HOXB6: variants seen among roughly 807,000 people sequenced by gnomAD.
The protein encoded by HOXB6 is homeobox protein Hox-B6.
Under a neutral mutation model 24.2 loss-of-function variants are expected in HOXB6, and 18 were observed. The observed-to-expected ratio is 0.74, with a 90% CI of 0.51 to 1.10. The LOEUF (loss-of-function observed/expected upper bound fraction) is 1.10. Among genes scored for constraint, HOXB6 ranks in the 50% least tolerant of loss-of-function variants. The probability of loss-of-function intolerance (pLI) is 0.00; values close to 1 mark genes in which losing one functional copy is unlikely to be tolerated. For synonymous variants in HOXB6, 159 were observed against 139.1 expected (o/e 1.14, Z -1.01); for missense variants, 332 against 308.3 (o/e 1.08, Z -0.58).
chr17:48,600,406 T>A, intron 2 of HOXB6: 1 of 452,620 alleles, frequency 2.2e-6, no homozygotes, highest in South Asian at 1.6e-5. Context: ...AATTGCCTTA[T>A]CTTTAGAGTC....
At chr17:48,603,180 A>G (rs925716369) in intron 2 of HOXB6, among the ~76,000 whole-genome samples, 1 of 152,258 alleles carries the variant, frequency 6.6e-6, no homozygotes, top group Non-Finnish European at 1.5e-5. Flanking sequence ...CGTGCAAACC[A>G]GACTAAAAAT....
chr17:48,602,538 G>A (rs1403441090), intron 2 of HOXB6: 3 of 224,946 alleles, frequency 1.3e-5, no homozygotes, highest in Middle Eastern at 1.9e-3. Flanking sequence ...TAGGATGGGC[G>A]GGGACGGGGG....
chr17:48,599,316 C>T (rs568004926), intron 2 of HOXB6, among the ~76,000 whole-genome samples: 47 of 152,288 alleles, frequency 3.1e-4, no homozygotes, highest in African/African-American at 9.6e-4. Flanking sequence ...ATTCTTCTTC[C>T]AGTTGTGGGC....
chr17:48,602,969 C>G (rs951719865), intron 2 of HOXB6, among the ~76,000 whole-genome samples: 2 of 152,230 alleles, frequency 1.3e-5, no homozygotes, highest in Admixed American at 1.3e-4. Context: ...GGGCCTGAAC[C>G]TAGGGCATCT....
At chr17:48,603,574 T>C (rs1176593875) in intron 2 of HOXB6, 1 of 152,250 alleles carries the variant, frequency 6.6e-6, no homozygotes, top group African/African-American at 2.4e-5. Context: ...TCACCATGTC[T>C]GGACCCAGGA....
chr17:48,597,619 CTG>C, intron 3 of HOXB6, 115 bp downstream of exon 3: 1 of 1,127,628 alleles, frequency 8.9e-7, no homozygotes, highest in Non-Finnish European at 1.3e-6. Context: ...TATCTCCTAA[CTG>C]AGATGCCCAC....
chr17:48,599,578 T>A lies in HOXB6; in HGVS notation c.-78-1350A>T, dbSNP rs187034100. ...GTATCTCAGCATCGCTACAATTCCC[T>A]CCCACACCCCGTGTTTGTATCATCA... On this transcript the variant is annotated intron_variant, in intron 2 of 3. Transcript: ENST00000225648. Among the ~76,000 whole-genome samples, 6 of 152,202 alleles carry A rather than the reference T, an allele frequency of 3.9e-5. No individual in the cohort carries two copies. The East Asian group carries it at 1.2e-3, about 29-fold the overall frequency.
chr17:48,600,478 C>T (rs566560812), intron 2 of HOXB6: 16 of 455,906 alleles, frequency 3.5e-5, no homozygotes, highest in African/African-American at 1.0e-4. Context: ...CCACTACAGG[C>T]GGGCCTGGGC....
rs376686357 is a variant in HOXB6 at position 48,602,710 on chromosome 17, T to C, written c.-79+1770A>G. On this transcript the variant is annotated intron_variant, in intron 2 of 3. Coordinates refer to ENST00000225648, the MANE Select transcript of HOXB6 (RefSeq NM_018952.5). Reference sequence around the variant, plus strand: ...CCAGGCGTCGGGCACCTCTGGACAGTGTCGCGGGGCTTGCGGCGCCGAAGC... The same window carrying C: ...CCAGGCGTCGGGCACCTCTGGACAGCGTCGCGGGGCTTGCGGCGCCGAAGC... Among the ~76,000 whole-genome samples, 61 of 152,296 alleles carry C rather than the reference T, an allele frequency of 4.0e-4. 1 individual carries two copies. In the South Asian group the frequency reaches 0.012, roughly 30 times the overall value.
At chr17:48,603,597 T>C (rs1322314329) in intron 2 of HOXB6, 1 of 152,214 alleles carries the variant, frequency 6.6e-6, no homozygotes, top group Non-Finnish European at 1.5e-5. Flanking sequence ...GTTTGAAATG[T>C]TATCATATCA....
At chr17:48,597,198 C>T (rs2070324269) in intron 3 of HOXB6, 1 of 530,926 alleles carries the variant, frequency 1.9e-6, no homozygotes. Context: ...CTCTCTCTTC[C>T]TTCCCCTTAT....
intron 3 of HOXB6, among the ~76,000 whole-genome samples, chr17:48,597,322 C>T (rs1262173536): frequency 6.6e-6 from 1 of 152,142 alleles, no homozygotes; most frequent in African/African-American, 2.4e-5. Flanking sequence ...TTCAGCGTCA[C>T]CCCCTACCCC....
intron 2 of HOXB6, among the ~76,000 whole-genome samples, chr17:48,600,716 G>C (rs1428731059): frequency 2.6e-5 from 4 of 152,158 alleles, no homozygotes. Context: ...TACACAGCGG[G>C]CTCAGCCATC....
At position 48,597,980 on chromosome 17, in the gene HOXB6, G is replaced by T. The variant is rs1358359653; in HGVS notation, c.171C>A (p.Ser57=). ...PGQDKGFATS[S]YYPPAGGGYG... ...AGCCACCGCCCGCCGGCGGGTAATA[G>T]GAGGAAGTGGCAAAGCCCTTGTCCT... Residue 57 remains serine (S), a synonymous_variant, in exon 3 of 4, where the codon TCC becomes TCA. Coordinates refer to ENST00000225648, the MANE Select transcript of HOXB6 (RefSeq NM_018952.5). 5.0e-6 allele frequency: 8 copies of T among 1,588,468 alleles called. No individual in the cohort carries two copies. Among genetic ancestry groups the T allele is most frequent in the Non-Finnish European group, 6.9e-6 (8 of 1,167,702 alleles).
rs534309856 is a variant in HOXB6 at position 48,597,824 on chromosome 17, C to T, written c.327G>A (p.Ala109=). ...FHPEPRKSDC[A]QDKSVFGETE... is the part of the protein sequence containing the mutation. ...TCTCGCCGAACACGCTCTTGTCCTG[C>T]GCGCAGTCCGACTTCCGCGGCTCGG... is the stretch of plus-strand genomic sequence containing the variant. Residue 109 remains alanine, a synonymous_variant, in exon 3 of 4, where the codon GCG becomes GCA. Transcript: ENST00000225648. 1.2e-6 allele frequency: 2 copies of T among 1,605,760 alleles called. No individual in the cohort carries two copies. The highest frequency in any genetic ancestry group is 4.5e-5 in the East Asian group (2 of 44,460).
chr17:48,596,682 A>T lies in HOXB6; in HGVS notation c.416-10T>A, dbSNP rs747218225. On this transcript the variant is annotated splice_polypyrimidine_tract_variant and intron_variant, in intron 3 of 3. Coordinates refer to ENST00000225648, the MANE Select transcript of HOXB6 (RefSeq NM_018952.5). The surrounding 1 kb of genome is among the most constrained non-coding windows in gnomAD (Gnocchi z 4.8). The stretch of plus-strand genomic sequence containing the variant: ...GGCCCAAAGGAGGAACCTGTTACGC[A>T]GAGTGGAGATGCTGAGGCCTGCGGT... 1.2e-6 allele frequency: 2 copies of T among 1,611,388 alleles called. No individual in the cohort carries two copies. Among genetic ancestry groups the T allele is most frequent in the Non-Finnish European group, 1.7e-6 (2 of 1,180,010 alleles).
chr17:48,604,832 C>T (rs942424802), intron 1 of HOXB6, 30 bp downstream of exon 1: 2 of 152,018 alleles, frequency 1.3e-5, no homozygotes, highest in South Asian at 2.1e-4. Flanking sequence ...TCTCCCTCTC[C>T]CTCTCGCGCT....
rs2070286298 is a variant in HOXB6 at position 48,596,266 on chromosome 17, C to T, written c.*147G>A. On this transcript the variant is annotated 3_prime_UTR_variant, in exon 4 of 4. Transcript: ENST00000225648. The surrounding 1 kb of genome is among the most constrained non-coding windows in gnomAD (Gnocchi z 4.8). Reference sequence around the variant, plus strand: ...CCGGGAGCTGTGCGGGCGGGGGCGTCCAGGAGAGCGCTGGGCCCCGCCTGT... The same window carrying T: ...CCGGGAGCTGTGCGGGCGGGGGCGTTCAGGAGAGCGCTGGGCCCCGCCTGT... 3 of 1,289,356 alleles carry T rather than the reference C, an allele frequency of 2.3e-6. No homozygotes were observed. The South Asian group carries it at 3.6e-5, about 15-fold the overall frequency. The allele number at this position is 1,289,356 out of a possible 1,614,324, so 79.9% of individuals were successfully genotyped here.
At chr17:48,600,564 T>G (rs2070435635) in intron 2 of HOXB6, 4 of 454,924 alleles carry the variant, frequency 8.8e-6, no homozygotes, top group Non-Finnish European at 1.8e-5. Context: ...GAGCGTTTAT[T>G]CGTCTGATCC....
Sources: allele counts gnomAD v4.1 joint callset (sites outside exome capture counted in the v4.1 genomes callset), GRCh38; gene constraint gnomAD v4.1.1; non-coding constraint Gnocchi (gnomAD v3.1); transcripts MANE v1.5; gene names NCBI Gene and HGNC (gene_info 2026-07-23, HGNC 2026-07-21).